DIAPH2: variants seen among roughly 807,000 people sequenced by gnomAD.
DIAPH2 encodes diaphanous related formin 2.
Under a neutral mutation model 92.7 loss-of-function variants are expected in DIAPH2, and 35 were observed. That is an observed-to-expected ratio of 0.38 (90% CI 0.29 to 0.50). The LOEUF (loss-of-function observed/expected upper bound fraction) is 0.50. Ranked by LOEUF, DIAPH2 falls within the 20% of genes least tolerant of loss-of-function variation. DIAPH2 has a pLI of 0.94. For missense variants in DIAPH2, 701 were observed against 819.5 expected, an observed-to-expected ratio of 0.86 and a Z score of 1.77; for synonymous variants, 301 against 280.4, an observed-to-expected ratio of 1.07 and a Z score of -0.73.
intron 26 of DIAPH2, among the ~76,000 whole-genome samples, chrX:97,558,577 T>C (rs1490113511): frequency 9.0e-6 from 1 of 111,587 alleles, no homozygotes; most frequent in Non-Finnish European, 1.9e-5. Context: ...GATCCACTGA[T>C]TTAAGCAGAA....
chrX:97,258,439 G>C (rs928214265), intron 23 of DIAPH2, among the ~76,000 whole-genome samples: 1 of 110,545 alleles, frequency 9.0e-6, no homozygotes, highest in Non-Finnish European at 1.9e-5. Context: ...CCAGGCGCGT[G>C]GCACGCGCCT....
At chrX:97,282,268 A>G (rs1438677544) in intron 23 of DIAPH2, among the ~76,000 whole-genome samples, 3 of 111,504 alleles carry the variant, frequency 2.7e-5, no homozygotes, top group Non-Finnish European at 5.6e-5. Context: ...AATTCCCAGT[A>G]GCCACTTTTA....
chrX:97,539,701 T>A (rs1294851236), intron 26 of DIAPH2, among the ~76,000 whole-genome samples: 1 of 111,912 alleles, frequency 8.9e-6, no homozygotes, highest in Non-Finnish European at 1.9e-5. Flanking sequence ...AATCATAGTC[T>A]TTTGATAGAT....
intron 17 of DIAPH2, among the ~76,000 whole-genome samples, chrX:96,966,569 C>T (rs756968649): frequency 5.4e-5 from 6 of 111,952 alleles, no homozygotes; most frequent in South Asian, 3.7e-4. Context: ...TTGCTGTTTT[C>T]ACCAACTGTG....
intron 25 of DIAPH2, among the ~76,000 whole-genome samples, chrX:97,384,868 AAAATAAATAAATAAAT>A (rs545581528): frequency 1.9e-5 from 2 of 107,833 alleles, no homozygotes; most frequent in East Asian, 2.9e-4. Context: ...TGTATCTCAA[AAAATAAATAAATAAAT>A]AAATAAATAA....
intron 22 of DIAPH2, among the ~76,000 whole-genome samples, chrX:97,156,582 G>T (rs1254240167): frequency 1.8e-5 from 2 of 111,558 alleles, no homozygotes; most frequent in Non-Finnish European, 3.8e-5. Context: ...TTTATTAACA[G>T]TGGCTAAGGA....
At chrX:97,565,491 A>T in intron 26 of DIAPH2, among the ~76,000 whole-genome samples, 1 of 112,257 alleles carries the variant, frequency 8.9e-6, no homozygotes. Flanking sequence ...TAAAACTTTA[A>T]AAAAGTTTTA....
intron 4 of DIAPH2, among the ~76,000 whole-genome samples, chrX:96,814,562 T>A (rs1256565143): frequency 8.9e-6 from 1 of 112,147 alleles, no homozygotes; most frequent in Non-Finnish European, 1.9e-5. Context: ...CCAGTTTTGT[T>A]CCGTTGCTGT....
intron 4 of DIAPH2, among the ~76,000 whole-genome samples, chrX:96,828,250 G>C (rs1311854695): frequency 9.0e-6 from 1 of 111,412 alleles, no homozygotes; most frequent in Non-Finnish European, 1.9e-5. Context: ...GATGAGAATG[G>C]GCCTGTATTA....
intron 26 of DIAPH2, among the ~76,000 whole-genome samples, chrX:97,531,951 T>TA (rs1207714961): frequency 8.9e-6 from 1 of 112,651 alleles, no homozygotes; most frequent in Non-Finnish European, 1.9e-5. Flanking sequence ...AACTTCATTT[T>TA]AAAATTACAT....
At chrX:97,273,671 A>C (rs1378196508) in intron 23 of DIAPH2, among the ~76,000 whole-genome samples, 8 of 112,000 alleles carry the variant, frequency 7.1e-5, no homozygotes, top group African/African-American at 2.6e-4. Flanking sequence ...TGATACTCAG[A>C]TATTTTTCAG....
chrX:97,571,587 C>T (rs2071370364), intron 26 of DIAPH2, among the ~76,000 whole-genome samples: 1 of 110,409 alleles, frequency 9.1e-6, no homozygotes, highest in South Asian at 3.9e-4. Flanking sequence ...GACACAAGCT[C>T]AAAGAAATTT....
chrX:97,503,781 GA>G (rs911637977), intron 26 of DIAPH2, among the ~76,000 whole-genome samples: 4 of 111,799 alleles, frequency 3.6e-5, no homozygotes, highest in Non-Finnish European at 5.6e-5. Context: ...AGAAAATTAA[GA>G]AAATCCCAGT....
intron 4 of DIAPH2, among the ~76,000 whole-genome samples, chrX:96,767,617 G>A (rs763642890): frequency 9.0e-6 from 1 of 111,703 alleles, no homozygotes; most frequent in Non-Finnish European, 1.9e-5. Context: ...GGTAAAATGA[G>A]ATAAGACTGA....
At chrX:96,821,099 A>G (rs868185314) in intron 4 of DIAPH2, among the ~76,000 whole-genome samples, 2 of 111,781 alleles carry the variant, frequency 1.8e-5, no homozygotes, top group African/African-American at 3.3e-5. Flanking sequence ...AATCGATCAC[A>G]GAGTGAGGGG....
intron 20 of DIAPH2, among the ~76,000 whole-genome samples, chrX:97,101,526 C>T (rs1356296351): frequency 1.8e-5 from 2 of 110,056 alleles, no homozygotes; most frequent in South Asian, 3.9e-4. Flanking sequence ...GGGTGGGGGG[C>T]GGAAAGTCAA....
At chrX:97,222,004 T>C (rs2067929589) in intron 22 of DIAPH2, among the ~76,000 whole-genome samples, 1 of 111,672 alleles carries the variant, frequency 9.0e-6, no homozygotes, top group South Asian at 3.7e-4. Flanking sequence ...AAGATTTATA[T>C]TTAGATAAAG....
chrX:96,839,244 A>T (rs906139267), intron 4 of DIAPH2, among the ~76,000 whole-genome samples: 2 of 111,295 alleles, frequency 1.8e-5, no homozygotes, highest in Non-Finnish European at 3.8e-5. Flanking sequence ...GCTTTTATTC[A>T]TGGTCAGAAA....
At chrX:97,077,391 C>T (rs1455053377) in intron 19 of DIAPH2, among the ~76,000 whole-genome samples, 3 of 112,493 alleles carry the variant, frequency 2.7e-5, no homozygotes, top group East Asian at 5.6e-4. Flanking sequence ...TACCATGTAG[C>T]ACATCGATAA....
Sources: allele counts gnomAD v4.1 joint callset (sites outside exome capture counted in the v4.1 genomes callset), GRCh38; gene constraint gnomAD v4.1.1; transcripts MANE v1.5; gene names NCBI Gene and HGNC (gene_info 2026-07-23, HGNC 2026-07-21).